Variants in ITGAL observed in about 807,000 individuals in gnomAD.
ITGAL encodes the protein integrin alpha-L.
ITGAL carries 68 observed loss-of-function variants against 138.4 expected under a neutral mutation model. The observed-to-expected ratio is 0.49, with a 90% CI of 0.40 to 0.60. The LOEUF is 0.60. Ranked by LOEUF, ITGAL falls within the 20% of genes least tolerant of loss-of-function variation. ITGAL has a pLI of 0.00. For synonymous variants in ITGAL, 561 were observed against 584.3 expected, an observed-to-expected ratio of 0.96 and a Z score of 0.57; for missense variants, 1,256 against 1,478.6, an observed-to-expected ratio of 0.85 and a Z score of 2.47.
At chr16:30,479,799 C>T (rs554692233) in intron 6 of ITGAL, among the ~76,000 whole-genome samples, 1 of 151,990 alleles carries the variant, frequency 6.6e-6, no homozygotes, top group Admixed American at 6.6e-5. Flanking sequence ...TTACAGGCAA[C>T]TGCCACTACA....
chr16:30,477,812 G>C (rs1376592619), intron 4 of ITGAL, among the ~76,000 whole-genome samples: 1 of 151,966 alleles, frequency 6.6e-6, no homozygotes, highest in Non-Finnish European at 1.5e-5. Context: ...CCTGAGCCCA[G>C]GAAGTTGAGG....
At chr16:30,499,733 A>ATATATTTTTTT in intron 17 of ITGAL, among the ~76,000 whole-genome samples, 5 of 88,366 alleles carry the variant, frequency 5.7e-5, no homozygotes, top group African/African-American at 3.0e-4. Context: ...ATATATATAT[A>ATATATTTTTTT]TTTTTTTTTT....
intron 9 of ITGAL, among the ~76,000 whole-genome samples, chr16:30,485,235 T>C (rs1162012865): frequency 6.8e-6 from 1 of 147,370 alleles, no homozygotes; most frequent in Non-Finnish European, 1.5e-5. Flanking sequence ...TCTCTTTTCT[T>C]TTTTTTTTTG....
Position 30,522,550 on chromosome 16 carries a change from ACTTGT to A in ITGAL, c.*891_*895del, listed in dbSNP as rs1388862246. 1.3e-5 allele frequency: 2 copies of A among 151,974 alleles called. No individual in the cohort carries two copies. The highest frequency in any genetic ancestry group is 3.9e-4 in the East Asian group (2 of 5,192). The allele number at this position is 151,974 out of a possible 1,614,324, so 9.4% of individuals were successfully genotyped here. The stretch of plus-strand genomic sequence containing the variant: ...AGTGAACTGTGAGGGTAAAGGCTAT[ACTTGT>A]CTTGTTCACCTTGGGATGATGCCTC... On this transcript the variant is annotated 3_prime_UTR_variant, in exon 31 of 31. Coordinates refer to ENST00000356798, the MANE Select transcript of ITGAL (RefSeq NM_002209.3). The surrounding 1 kb of genome is among the most constrained non-coding windows in gnomAD (Gnocchi z 4.0).
At position 30,490,384 on chromosome 16, in the gene ITGAL, C is replaced by T. The variant is rs544093198; in HGVS notation, c.1213+998C>T. On this transcript the variant is annotated intron_variant, in intron 11 of 30. Transcript: ENST00000356798. ...CAGGCATCAGTCAACCAGAGGCCAC[C>T]GCTATAGCCCAGAGCCAGCCAAAAT... Among the ~76,000 whole-genome samples, 8 of 152,226 alleles carry T rather than the reference C, an allele frequency of 5.3e-5. No homozygotes were observed. The East Asian group carries it at 1.3e-3, about 26-fold the overall frequency.
chr16:30,500,154 C>T (rs2050874071), intron 17 of ITGAL, among the ~76,000 whole-genome samples: 1 of 150,974 alleles, frequency 6.6e-6, no homozygotes, highest in East Asian at 2.0e-4. Flanking sequence ...GGCATGATCT[C>T]GGCTCACTAC....
chr16:30,490,795 C>T (rs1382197262), intron 11 of ITGAL, among the ~76,000 whole-genome samples: 1 of 151,956 alleles, frequency 6.6e-6, no homozygotes, highest in Non-Finnish European at 1.5e-5. Context: ...TGGTGAAACC[C>T]CGTCTCTACT....
intron 29 of ITGAL, 95 bp downstream of exon 29, chr16:30,518,814 G>T (rs1256689498): frequency 3.2e-6 from 3 of 926,532 alleles, no homozygotes; most frequent in African/African-American, 3.3e-5. Context: ...CCTGGGCTCT[G>T]TGCGAGTCAG....
intron 25 of ITGAL, 128 bp downstream of exon 25, chr16:30,513,974 C>A: frequency 2.8e-6 from 2 of 724,284 alleles, no homozygotes; most frequent in South Asian, 1.7e-5. Flanking sequence ...AATCCTTTCT[C>A]TAGAGTGTCA....
At chr16:30,489,808 T>C (rs2050699404) in intron 11 of ITGAL, among the ~76,000 whole-genome samples, 1 of 151,976 alleles carries the variant, frequency 6.6e-6, no homozygotes, top group Non-Finnish European at 1.5e-5. Context: ...TGGTGGCGCA[T>C]GCCTGTAGTC....
Position 30,517,857 on chromosome 16 carries a change from C to G in ITGAL, c.3094C>G (p.Gln1032Glu), listed in dbSNP as rs144797276. ...TGTCTTCAGGCAGGAGATCCTCGTC[C>G]AAGTGATCGGGACTCTGGAGCTGGT... ...PVVFRQEILV[Q>E]VIGTLELVGE... Residue 1032 changes from glutamine to glutamate, a missense_variant, in exon 28 of 31, where the codon CAA becomes GAA. This residue lies in a region of ITGAL where 867 missense variants were observed against 972.5 expected (regional missense o/e 0.89). Coordinates refer to ENST00000356798, the MANE Select transcript of ITGAL (RefSeq NM_002209.3). 1.3e-5 allele frequency: 21 copies of G among 1,614,026 alleles called. No homozygotes were observed. In the African/African-American group the frequency reaches 2.4e-4, roughly 18 times the overall value.
At chr16:30,473,587 C>T (rs960398682) in intron 1 of ITGAL, among the ~76,000 whole-genome samples, 1 of 152,202 alleles carries the variant, frequency 6.6e-6, no homozygotes, top group African/African-American at 2.4e-5. Flanking sequence ...GCCCAGCCTC[C>T]ATGACATTCT....
At chr16:30,491,886 A>G (rs898787691) in intron 11 of ITGAL, among the ~76,000 whole-genome samples, 1 of 152,164 alleles carries the variant, frequency 6.6e-6, no homozygotes, top group Non-Finnish European at 1.5e-5. Flanking sequence ...TAGCACTAGG[A>G]TTTAAACCTT....
chr16:30,498,008 C>A (rs987476288), intron 15 of ITGAL, among the ~76,000 whole-genome samples: 1 of 151,610 alleles, frequency 6.6e-6, no homozygotes, highest in African/African-American at 2.4e-5. Flanking sequence ...CTTTGGGAGG[C>A]CGAGGTGGGT....
chr16:30,508,033 C>T (rs1200531996), intron 21 of ITGAL, among the ~76,000 whole-genome samples: 1 of 151,620 alleles, frequency 6.6e-6, no homozygotes, highest in African/African-American at 2.4e-5. Flanking sequence ...CTCAGCCTCC[C>T]GAGTAGCCGG....
chr16:30,493,517 C>T (rs906674561), intron 11 of ITGAL, among the ~76,000 whole-genome samples: 4 of 152,158 alleles, frequency 2.6e-5, no homozygotes, highest in Non-Finnish European at 4.4e-5. Flanking sequence ...ACCTTGTGAT[C>T]CACCTGCCTC....
chr16:30,510,336 A>G (rs757558693), intron 21 of ITGAL, 25 bp from the exon 22 acceptor site: 8 of 1,442,318 alleles, frequency 5.5e-6, no homozygotes, highest in Non-Finnish European at 5.9e-6. Context: ...TCATTAACAA[A>G]CTTGTTTCCT....
chr16:30,489,070 T>C lies in ITGAL; in HGVS notation c.1007-12T>C. ...CTGTTGGGTCTCACCTGTTCTCTGC[T>C]TTGTTCCCCAGGCACAAGCAAACAG... On this transcript the variant is annotated splice_polypyrimidine_tract_variant and intron_variant, in intron 9 of 30. Transcript: ENST00000356798. 1 of 1,612,646 alleles carries C rather than the reference T, an allele frequency of 6.2e-7. No individual in the cohort carries two copies. Among genetic ancestry groups the C allele is most frequent in the Non-Finnish European group, 8.5e-7 (1 of 1,179,530 alleles).
At chr16:30,485,446 C>T (rs958712729) in intron 9 of ITGAL, among the ~76,000 whole-genome samples, 1 of 152,070 alleles carries the variant, frequency 6.6e-6, no homozygotes, top group Non-Finnish European at 1.5e-5. Flanking sequence ...AGGATGATCT[C>T]GATCTGACCT....
Sources: allele counts gnomAD v4.1 joint callset (sites outside exome capture counted in the v4.1 genomes callset), GRCh38; gene constraint gnomAD v4.1.1; regional missense constraint gnomAD v4.1.1; non-coding constraint Gnocchi (gnomAD v3.1); transcripts MANE v1.5; gene names NCBI Gene and HGNC (gene_info 2026-07-23, HGNC 2026-07-21).